The following IGSF9B variants were observed in gnomAD, a reference collection of about 807,000 sequenced individuals.
The protein encoded by IGSF9B is immunoglobulin superfamily member 9B, also known as protein turtle homolog B.
In IGSF9B, 48 loss-of-function variants were observed where a neutral mutation model predicts 143.7. The ratio of observed to expected loss-of-function variants is 0.33; its 90% CI spans 0.26 to 0.42. IGSF9B has a LOEUF of 0.42. Among genes scored for constraint, IGSF9B ranks in the 20% least tolerant of loss-of-function variants. The probability of loss-of-function intolerance (pLI) is 1.00; values close to 1 mark genes in which losing one functional copy is unlikely to be tolerated. For missense variants in IGSF9B, 1,706 were observed against 1,980.0 expected (o/e 0.86, Z 2.63); for synonymous variants, 903 against 833.1 (o/e 1.08, Z -1.44).
chr11:133,930,880 G>T, intron 11 of IGSF9B, 104 bp downstream of exon 11: 1 of 1,190,688 alleles, frequency 8.4e-7, no homozygotes, highest in Non-Finnish European at 1.2e-6. Flanking sequence ...AAGGGAGCCC[G>T]CAGAGTGCAG....
rs1255222646 is a variant in IGSF9B, at chr11:133,901,657, A to C, written c.*7412T>G. 1 of 152,154 alleles carries C rather than the reference A, an allele frequency of 6.6e-6. No homozygotes were observed. Among genetic ancestry groups the C allele is most frequent in the East Asian group, 1.9e-4 (1 of 5,202 alleles). The allele number at this position is 152,154 out of a possible 1,614,324, so 9.4% of individuals were successfully genotyped here. On this transcript the variant is annotated 3_prime_UTR_variant, in exon 20 of 20. Coordinates refer to ENST00000533871, the MANE Select transcript of IGSF9B (RefSeq NM_001277285.4). ...TATGTACAGTCTCCATAAAAAATAC[A>C]TTAAAGATGGTGCATTACTAATTTG...
intron 1 of IGSF9B, among the ~76,000 whole-genome samples, chr11:133,949,246 C>G (rs1270638097): frequency 1.3e-5 from 2 of 152,158 alleles, no homozygotes; most frequent in Non-Finnish European, 2.9e-5. Context: ...GTCCTGGCCT[C>G]CACCCTCGCT....
At position 133,928,417 on chromosome 11, in the gene IGSF9B, CCAT is replaced by C. The variant is rs1425005136; in HGVS notation, c.1631+1251_1631+1253del. 1.3e-5 allele frequency among the ~76,000 whole-genome samples: 2 copies of C among 152,174 alleles called. No individual in the cohort carries two copies. The highest frequency in any genetic ancestry group is 4.8e-5 in the African/African-American group (2 of 41,442). ...CGCCCGGGAAGCAGCCACCGAACCA[CCAT>C]GATGGGAGACAGAGCGGGTGCCCCT... On this transcript the variant is annotated intron_variant, in intron 12 of 19. Coordinates refer to ENST00000533871, the MANE Select transcript of IGSF9B (RefSeq NM_001277285.4). The surrounding 1 kb of genome is among the most constrained non-coding windows in gnomAD (Gnocchi z 4.7).
intron 7 of IGSF9B, among the ~76,000 whole-genome samples, chr11:133,933,596 G>C (rs1400009071): frequency 6.6e-6 from 1 of 152,176 alleles, no homozygotes; most frequent in Admixed American, 6.5e-5. Flanking sequence ...AAACATCTTT[G>C]AATGATCTGG....
intron 1 of IGSF9B, among the ~76,000 whole-genome samples, chr11:133,951,699 C>A (rs1034237849): frequency 6.6e-6 from 1 of 152,192 alleles, no homozygotes; most frequent in Non-Finnish European, 1.5e-5. Flanking sequence ...CCCCTCTCCC[C>A]ACCTGGGCAG....
chr11:133,923,456 C>T (rs1450930168), intron 15 of IGSF9B, among the ~76,000 whole-genome samples: 1 of 152,198 alleles, frequency 6.6e-6, no homozygotes, highest in Non-Finnish European at 1.5e-5. Context: ...AGGAGCTGAA[C>T]GTCCTCCTTT....
At position 133,945,984 on chromosome 11, in the gene IGSF9B, G is replaced by T; in HGVS notation, c.262+77C>A. 1.0e-6 allele frequency: 1 copy of T among 980,482 alleles called. No individual in the cohort carries two copies. The highest frequency in any genetic ancestry group is 1.5e-6 in the Non-Finnish European group (1 of 658,150). The allele number at this position is 980,482 out of a possible 1,614,324, so 60.7% of individuals were successfully genotyped here. A position where few individuals can be genotyped will look rare whatever the true frequency, so the allele number is the denominator to read the frequency against. On this transcript the variant is annotated intron_variant, in intron 2 of 19. Coordinates refer to ENST00000533871, the MANE Select transcript of IGSF9B (RefSeq NM_001277285.4). This position sits in a 1 kb window ranked among gnomAD's most constrained non-coding sequence, Gnocchi z 4.6. ...AGAGATAAAGAGTGGTCAGGACAAG[G>T]CAGGGGCCAGAGGGGAACCACCGAG...
chr11:133,937,420 C>T lies in IGSF9B; in HGVS notation c.635G>A (p.Ser212Asn). Residue 212 changes from serine (S) to asparagine (N), a missense_variant, in exon 5 of 20, where the codon AGC (serine) becomes AAC (asparagine). Around this residue, in one of 7 missense-constraint regions of IGSF9B, gnomAD observed 238 missense variants for 452.6 expected, o/e 0.53. Transcript: ENST00000533871. ...CGTGTGGACAGCCTCCCCCTGAATG[C>T]TGTACGCTCGGCAGGTGTAGGCACC... ...DRGAYTCRAY[S>N]IQGEAVHTTH... 1 of 1,613,824 alleles carries T rather than the reference C, an allele frequency of 6.2e-7. No homozygotes were observed. Among genetic ancestry groups the T allele is most frequent in the Non-Finnish European group, 8.5e-7 (1 of 1,179,760 alleles).
At chr11:133,949,621 G>A (rs566405839) in intron 1 of IGSF9B, among the ~76,000 whole-genome samples, 68 of 152,064 alleles carry the variant, frequency 4.5e-4, no homozygotes, top group African/African-American at 1.6e-3. Flanking sequence ...CTGGGAGGGT[G>A]AGTTCAGGCC....
rs1565409654 is a variant in IGSF9B at position 133,902,001 on chromosome 11, C to CA, written c.*7067dup. The stretch of plus-strand genomic sequence containing the variant: ...ATGCACACCAGACACATCACACACA[C>CA]ACACACACCAGACATACACACACCA... On this transcript the variant is annotated 3_prime_UTR_variant, in exon 20 of 20. Transcript: ENST00000533871. Among the ~76,000 whole-genome samples, 7 of 126,730 alleles carry CA rather than the reference C, an allele frequency of 5.5e-5. No homozygotes were observed. The highest frequency in any genetic ancestry group is 2.0e-4 in the African/African-American group (6 of 29,696). The allele number at this position is 126,730 out of a possible 152,430, so 83.1% of individuals were successfully genotyped here.
intron 18 of IGSF9B, among the ~76,000 whole-genome samples, chr11:133,918,072 C>T (rs890561751): frequency 7.3e-5 from 11 of 151,616 alleles, no homozygotes; most frequent in African/African-American, 2.2e-4. Context: ...GAAGCTGCAG[C>T]TAGGCGGTGC....
rs760126896 is a variant in IGSF9B at position 133,953,487 on chromosome 11, A to T, written c.64+3204T>A. ...GAAGTCCTTCTCAGCCGATAGGCTC[A>T]CCACGGGGTCTTGATAGCAACCTCT... On this transcript the variant is annotated intron_variant, in intron 1 of 19. Transcript: ENST00000533871. This position sits in a 1 kb window ranked among gnomAD's most constrained non-coding sequence, Gnocchi z 4.2. Among the ~76,000 whole-genome samples the T allele has an allele frequency of 4.0e-4, 61 of 152,186 alleles. No homozygotes were observed. Among genetic ancestry groups the T allele is most frequent in the Non-Finnish European group, 6.8e-4 (46 of 68,040 alleles).
intron 1 of IGSF9B, among the ~76,000 whole-genome samples, chr11:133,949,839 G>A (rs1000606851): frequency 1.3e-5 from 2 of 152,168 alleles, no homozygotes; most frequent in South Asian, 2.1e-4. Flanking sequence ...CCCTCAAAGG[G>A]GGAAAACCAG....
intron 7 of IGSF9B, among the ~76,000 whole-genome samples, chr11:133,933,226 C>T (rs987626590): frequency 2.6e-5 from 4 of 152,326 alleles, no homozygotes; most frequent in Admixed American, 6.5e-5. Context: ...GTCCATTTCT[C>T]TCTGTTCCTA....
chr11:133,919,972 A>G lies in IGSF9B; in HGVS notation c.3753T>C (p.Ser1251=), dbSNP rs1451629856. ...PPAAVSFSRK[S]TPSTGSPSQS... is the part of the protein sequence containing the mutation. ...GGGAGGGGGAGCCTGTGGACGGCGT[A>G]GACTTTCGAGAAAAGCTGACTGCAG... Residue 1251 remains serine, a synonymous_variant, in exon 18 of 20, where the codon TCT becomes TCC. Coordinates refer to ENST00000533871, the MANE Select transcript of IGSF9B (RefSeq NM_001277285.4). 2 of 1,571,944 alleles carry G rather than the reference A, an allele frequency of 1.3e-6. No individual in the cohort carries two copies. Among genetic ancestry groups the G allele is most frequent in the African/African-American group, 1.4e-5 (1 of 73,048 alleles).
chr11:133,948,549 G>A lies in IGSF9B; in HGVS notation c.65-2291C>T, dbSNP rs1430452834. ...GGAGAGGCTGCCTCCCAGCAGCCAG[G>A]ATCACAAAGGCGGATGCTGGACCAA... On this transcript the variant is annotated intron_variant, in intron 1 of 19. Transcript: ENST00000533871. The surrounding 1 kb of genome is among the most constrained non-coding windows in gnomAD (Gnocchi z 4.7). Among the ~76,000 whole-genome samples, 1 of 151,734 alleles carries A rather than the reference G, an allele frequency of 6.6e-6. No individual in the cohort carries two copies. Among genetic ancestry groups the A allele is most frequent in the Non-Finnish European group, 1.5e-5 (1 of 67,986 alleles).
Position 133,937,498 on chromosome 11 carries a change from G to A in IGSF9B, c.562-5C>T, listed in dbSNP as rs189767043. ...TGTCAGGCTGCCGTCACTCACCTGG[G>A]AGCCCAAAACAGAGGGAGCTCAGCA... On this transcript the variant is annotated splice_region_variant and splice_polypyrimidine_tract_variant and intron_variant, in intron 4 of 19. Coordinates refer to ENST00000533871, the MANE Select transcript of IGSF9B (RefSeq NM_001277285.4). 4 of 1,611,560 alleles carry A rather than the reference G, an allele frequency of 2.5e-6. No individual in the cohort carries two copies. Among genetic ancestry groups the A allele is most frequent in the Non-Finnish European group, 3.4e-6 (4 of 1,178,252 alleles).
At chr11:133,947,213 C>T (rs1483171875) in intron 1 of IGSF9B, among the ~76,000 whole-genome samples, 1 of 152,158 alleles carries the variant, frequency 6.6e-6, no homozygotes, top group East Asian at 1.9e-4. Flanking sequence ...AGCGCCGCAG[C>T]ACCACTCCTG....
At chr11:133,916,697 A>C (rs1045881363) in intron 18 of IGSF9B, among the ~76,000 whole-genome samples, 2 of 152,108 alleles carry the variant, frequency 1.3e-5, no homozygotes, top group Non-Finnish European at 2.9e-5. Context: ...GGGAAAGGAG[A>C]GGGTCAATGG....
Sources: gnomAD v4.1 joint callset for allele counts (sites outside exome capture counted in the v4.1 genomes callset) on GRCh38, gnomAD v4.1.1 for gene constraint, gnomAD v4.1.1 regional missense constraint, Gnocchi (gnomAD v3.1) non-coding constraint, MANE v1.5 for transcripts, NCBI Gene and HGNC (gene_info 2026-07-23, HGNC 2026-07-21) for gene names.